Variants in CCT3 observed in about 807,000 individuals in gnomAD.
CCT3 encodes the protein chaperonin containing TCP1 subunit 3.
Under a neutral mutation model 65.3 loss-of-function variants are expected in CCT3, and 10 were observed. That is an observed-to-expected ratio of 0.15 (90% CI 0.09 to 0.26). The LOEUF is 0.26. CCT3 is among the 10% of genes least tolerant of loss of function. CCT3 has a pLI of 1.00. For synonymous variants in CCT3, 225 were observed against 242.3 expected, an observed-to-expected ratio of 0.93 and a Z score of 0.66; for missense variants, 626 against 708.7, an observed-to-expected ratio of 0.88 and a Z score of 1.33.
rs1337098244 is a variant in CCT3 at position 156,335,842 on chromosome 1, G to A, written c.78C>T (p.Asn26=). 1.6e-5 allele frequency: 26 copies of A among 1,614,016 alleles called. No homozygotes were observed. The highest frequency in any genetic ancestry group is 2.1e-5 in the Non-Finnish European group (25 of 1,179,902). The stretch of plus-strand genomic sequence containing the variant: ...GATTTGTGACCTTGGCAGCATTGAT[G>A]TTTCCAGATTGAACTTTTCTTCCGG... ...RESGRKVQSG[N]INAAKTIADI... is the part of the protein sequence containing the mutation. The change falls in exon 2 of 14, where the codon AAC becomes AAT. Residue 26 remains asparagine (N), a synonymous_variant. Coordinates refer to ENST00000295688, the MANE Select transcript of CCT3 (RefSeq NM_005998.5).
At chr1:156,316,143 G>A (rs973380947) in intron 10 of CCT3, among the ~76,000 whole-genome samples, 5 of 151,874 alleles carry the variant, frequency 3.3e-5, no homozygotes, top group African/African-American at 7.2e-5. Flanking sequence ...ATAATACAAC[G>A]GCAAAAAATA....
Position 156,317,565 on chromosome 1 carries a change from G to T in CCT3, c.760-18C>A. On this transcript the variant is annotated intron_variant, in intron 8 of 13. Transcript: ENST00000295688. Reference sequence around the variant, plus strand: ...ATGTCAGTCTGTGTGGTAAAGAAAAGACACTGATTTTAAAATCCCTGGACT... The same window carrying T: ...ATGTCAGTCTGTGTGGTAAAGAAAATACACTGATTTTAAAATCCCTGGACT... The T allele has an allele frequency of 6.2e-7, 1 of 1,603,998 alleles. No homozygotes were observed.
At chr1:156,318,667 G>C (rs1220231005) in intron 8 of CCT3, among the ~76,000 whole-genome samples, 1 of 152,124 alleles carries the variant, frequency 6.6e-6, no homozygotes, top group Non-Finnish European at 1.5e-5. Context: ...TATTCCTCAA[G>C]CAATTAACCT....
intron 5 of CCT3, among the ~76,000 whole-genome samples, chr1:156,332,043 A>AAAGGG (rs34561467): frequency 6.7e-6 from 1 of 149,846 alleles, no homozygotes; most frequent in Admixed American, 6.6e-5. Flanking sequence ...AAAAAAAAAA[A>AAAGGG]GAGACATGGT....
chr1:156,335,011 AC>A (rs1350615518), intron 2 of CCT3, 93 bp from the exon 3 acceptor site: 1 of 961,872 alleles, frequency 1.0e-6, no homozygotes, highest in African/African-American at 1.6e-5. Context: ...TGAACAACCC[AC>A]AGAGTCAGTG....
intron 1 of CCT3, chr1:156,337,069 G>A (rs1330603957): frequency 7.8e-7 from 1 of 1,284,916 alleles, no homozygotes; most frequent in Admixed American, 2.3e-5. Flanking sequence ...CACACAGAAT[G>A]GAAACATACC....
chr1:156,317,542 G>C lies in CCT3; in HGVS notation c.765C>G (p.Asp255Glu). Residue 255 changes from aspartate to glutamate, a missense_variant, in exon 9 of 14, where the codon GAC becomes GAG. Physicochemically the swap from Asp to Glu is conservative, Grantham distance 45. Coordinates refer to ENST00000295688, the MANE Select transcript of CCT3 (RefSeq NM_005998.5). ...AGTCCTCCTCTCGTGTAATCTCAAT[G>C]TCAGTCTGTGTGGTAAAGAAAAGAC... ...LEYKKGESQTDIEITREEDFT... is the reference protein window; with the variant it reads ...LEYKKGESQTEIEITREEDFT... The C allele has an allele frequency of 6.2e-7, 1 of 1,612,274 alleles. No individual in the cohort carries two copies. Among genetic ancestry groups the C allele is most frequent in the Non-Finnish European group, 8.5e-7 (1 of 1,178,676 alleles).
chr1:156,316,491 T>G (rs1420229840), intron 10 of CCT3, among the ~76,000 whole-genome samples: 1 of 152,230 alleles, frequency 6.6e-6, no homozygotes, highest in Non-Finnish European at 1.5e-5. Context: ...CTTTGGGGTA[T>G]AAAAGTATAA....
chr1:156,319,153 C>G (rs1664440479), intron 7 of CCT3, 136 bp from the exon 8 acceptor site: 1 of 714,878 alleles, frequency 1.4e-6, no homozygotes, highest in Admixed American at 3.2e-5. Context: ...CGCTCTGTCG[C>G]TCAGGCTGGA....
In CCT3 at chr1:156,315,679, C is replaced by A. The variant is rs111234481; in HGVS notation, c.974+1487G>T. On this transcript the variant is annotated intron_variant, in intron 10 of 13. Coordinates refer to ENST00000295688, the MANE Select transcript of CCT3 (RefSeq NM_005998.5). ...AGTCAAAAAATTATACATGGATTTT[C>A]AACTCCTTGGGGACTGATTCCCCTA... Among the ~76,000 whole-genome samples the A allele has an allele frequency of 7.9e-3, 1,203 of 152,268 alleles. 23 individuals are homozygous for A. The highest frequency in any genetic ancestry group is 0.027 in the African/African-American group (1,105 of 41,556).
At chr1:156,325,149 CTTAAT>C (rs1664746720) in intron 5 of CCT3, 60 bp from the exon 6 acceptor site, 1 of 1,183,386 alleles carries the variant, frequency 8.5e-7, no homozygotes, top group African/African-American at 1.5e-5. Context: ...AGGCAAGTAA[CTTAAT>C]TATTCTTCCA....
intron 5 of CCT3, among the ~76,000 whole-genome samples, chr1:156,327,237 A>G (rs1339589291): frequency 6.6e-6 from 1 of 152,126 alleles, no homozygotes; most frequent in Non-Finnish European, 1.5e-5. Context: ...GGCAGGTAAA[A>G]TAAGCTTTTA....
intron 10 of CCT3, among the ~76,000 whole-genome samples, chr1:156,315,799 T>C (rs1664285224): frequency 6.6e-6 from 1 of 152,188 alleles, no homozygotes; most frequent in African/African-American, 2.4e-5. Flanking sequence ...TACTTTGTGG[T>C]TACTAAAATC....
At chr1:156,319,311 T>C (rs1664450450) in intron 7 of CCT3, among the ~76,000 whole-genome samples, 1 of 151,036 alleles carries the variant, frequency 6.6e-6, no homozygotes, top group Non-Finnish European at 1.5e-5. Context: ...AGAGATGGGG[T>C]TTCACCATGT....
intron 10 of CCT3, among the ~76,000 whole-genome samples, chr1:156,313,188 A>T (rs1664154769): frequency 3.3e-5 from 5 of 152,146 alleles, no homozygotes; most frequent in Admixed American, 3.3e-4. Context: ...TACAAGAAAA[A>T]ATTAGCCAGG....
chr1:156,317,772 G>A (rs1570918821), intron 8 of CCT3, among the ~76,000 whole-genome samples: 2 of 151,072 alleles, frequency 1.3e-5, no homozygotes, highest in African/African-American at 4.9e-5. Flanking sequence ...GTAATGGCGC[G>A]ATCTTGGCTC....
chr1:156,318,816 T>C (rs1445966513), intron 8 of CCT3, 52 bp downstream of exon 8: 4 of 1,574,678 alleles, frequency 2.5e-6, no homozygotes, highest in South Asian at 2.3e-5. Flanking sequence ...GTTGTTCATA[T>C]TTGCAGTCAG....
chr1:156,314,443 A>G (rs867267485), intron 10 of CCT3, among the ~76,000 whole-genome samples: 1 of 152,118 alleles, frequency 6.6e-6, no homozygotes, highest in African/African-American at 2.4e-5. Context: ...GGCCAGGTGC[A>G]GTGGCTCACG....
intron 5 of CCT3, chr1:156,332,547 G>A (rs1665147091): frequency 6.6e-6 from 1 of 152,090 alleles, no homozygotes; most frequent in Non-Finnish European, 1.5e-5. Context: ...GTCATTCATG[G>A]AAATTCACAG....
Sources: gnomAD v4.1 joint callset for allele counts (sites outside exome capture counted in the v4.1 genomes callset) on GRCh38, gnomAD v4.1.1 for gene constraint, MANE v1.5 for transcripts, NCBI Gene and HGNC (gene_info 2026-07-23, HGNC 2026-07-21) for gene names.